MEOX2: variants seen among roughly 807,000 people sequenced by gnomAD.
MEOX2 encodes mesenchyme homeobox 2.
In MEOX2, 11 loss-of-function variants were observed where a neutral mutation model predicts 27.0. That is an observed-to-expected ratio of 0.41 (90% confidence interval 0.26 to 0.68). MEOX2 has a LOEUF of 0.68. Ranked by LOEUF, MEOX2 falls within the 30% of genes least tolerant of loss-of-function variation. The pLI, the probability that MEOX2 is intolerant of heterozygous loss-of-function variation, is 0.33. For synonymous variants in MEOX2, 189 were observed against 155.4 expected (o/e 1.22, Z -1.61); for missense variants, 436 against 385.4 (o/e 1.13, Z -1.10).
chr7:15,650,500 C>T (rs544033204), intron 1 of MEOX2, among the ~76,000 whole-genome samples: 96 of 152,110 alleles, frequency 6.3e-4, no homozygotes, highest in African/African-American at 1.9e-3. Flanking sequence ...ATGTTTCATA[C>T]GTGCAAATAA....
intron 1 of MEOX2, among the ~76,000 whole-genome samples, chr7:15,684,982 T>C (rs1782353849): frequency 6.6e-6 from 1 of 152,266 alleles, no homozygotes; most frequent in Non-Finnish European, 1.5e-5. Context: ...GTTCCCCTTT[T>C]GCATGGCTGC....
chr7:15,639,852 G>T (rs551817633), intron 1 of MEOX2, among the ~76,000 whole-genome samples: 5 of 152,066 alleles, frequency 3.3e-5, no homozygotes, highest in African/African-American at 1.2e-4. Flanking sequence ...AAACTGTTTT[G>T]GTTACTAAAG....
At position 15,686,503 on chromosome 7, in the gene MEOX2, A is replaced by C; in HGVS notation, c.-101T>G. On this transcript the variant is annotated 5_prime_UTR_variant, in exon 1 of 3. Coordinates refer to ENST00000262041, the MANE Select transcript of MEOX2 (RefSeq NM_005924.5). ...CTGGAAACCGTGTGATTTTTTTTTT[A>C]ACCTCCCAAAGCAATAGCGGTGCAC... 1 of 1,040,170 alleles carries C rather than the reference A, an allele frequency of 9.6e-7. No individual in the cohort carries two copies. Among genetic ancestry groups the C allele is most frequent in the Non-Finnish European group, 1.3e-6 (1 of 755,338 alleles). 64.4% of individuals were successfully genotyped at this position (1,040,170 alleles called of 1,614,324 possible). A position where few individuals can be genotyped will look rare whatever the true frequency, so the allele number is the denominator to read the frequency against.
intron 1 of MEOX2, among the ~76,000 whole-genome samples, chr7:15,632,374 G>T (rs191615731): frequency 6.6e-6 from 1 of 151,804 alleles, no homozygotes; most frequent in Non-Finnish European, 1.5e-5. Context: ...TAAATGATGA[G>T]ATTTTAATGT....
intron 1 of MEOX2, among the ~76,000 whole-genome samples, chr7:15,635,592 T>C (rs764175921): frequency 9.2e-5 from 14 of 151,998 alleles, no homozygotes; most frequent in Non-Finnish European, 1.9e-4. Flanking sequence ...CTAGCCGTTA[T>C]TAGGAGAGGA....
chr7:15,652,193 T>A (rs1202961053), intron 1 of MEOX2, among the ~76,000 whole-genome samples: 1 of 152,084 alleles, frequency 6.6e-6, no homozygotes, highest in Non-Finnish European at 1.5e-5. Context: ...TAACATGCTT[T>A]TACTGTTCAA....
At chr7:15,622,408 T>G (rs893425967) in intron 2 of MEOX2, among the ~76,000 whole-genome samples, 5 of 152,140 alleles carry the variant, frequency 3.3e-5, no homozygotes, top group Non-Finnish European at 7.4e-5. Flanking sequence ...GTCTTTGCAT[T>G]TGAATTTCAA....
At chr7:15,683,905 T>G (rs1275071771) in intron 1 of MEOX2, among the ~76,000 whole-genome samples, 1 of 152,216 alleles carries the variant, frequency 6.6e-6, no homozygotes, top group Non-Finnish European at 1.5e-5. Flanking sequence ...GTTTTTCCAG[T>G]ACCCTCATTA....
At chr7:15,644,290 G>A (rs752972666) in intron 1 of MEOX2, among the ~76,000 whole-genome samples, 14 of 152,112 alleles carry the variant, frequency 9.2e-5, no homozygotes, top group Non-Finnish European at 1.6e-4. Context: ...CCAATCCAAA[G>A]GTCTGTAGGG....
chr7:15,655,627 C>T (rs1433626116), intron 1 of MEOX2, among the ~76,000 whole-genome samples: 1 of 151,476 alleles, frequency 6.6e-6, no homozygotes, highest in Admixed American at 6.6e-5. Flanking sequence ...CCTTTTTGAC[C>T]CATAATATTT....
chr7:15,645,273 A>G (rs1367777429), intron 1 of MEOX2, among the ~76,000 whole-genome samples: 1 of 152,216 alleles, frequency 6.6e-6, no homozygotes, highest in Admixed American at 6.5e-5. Flanking sequence ...AAGGAAGGAA[A>G]TTGCTAGGAG....
At chr7:15,629,869 G>T (rs1781374554) in intron 1 of MEOX2, among the ~76,000 whole-genome samples, 1 of 151,976 alleles carries the variant, frequency 6.6e-6, no homozygotes. Flanking sequence ...AAAATGGATG[G>T]AAGATTTGCA....
At chr7:15,674,552 GA>G (rs1782160760) in intron 1 of MEOX2, among the ~76,000 whole-genome samples, 1 of 123,378 alleles carries the variant, frequency 8.1e-6, no homozygotes, top group Admixed American at 8.7e-5. Flanking sequence ...TTAGATAAAA[GA>G]TTCTGTGTGT....
At chr7:15,636,231 T>C (rs1781476923) in intron 1 of MEOX2, among the ~76,000 whole-genome samples, 1 of 152,044 alleles carries the variant, frequency 6.6e-6, no homozygotes, top group Non-Finnish European at 1.5e-5. Context: ...TTTCTCTAAT[T>C]ATGAGTTTCT....
At chr7:15,657,975 G>T (rs1021847796) in intron 1 of MEOX2, among the ~76,000 whole-genome samples, 6 of 152,192 alleles carry the variant, frequency 3.9e-5, no homozygotes, top group Non-Finnish European at 2.9e-5. Context: ...AGTGGAGAAG[G>T]TTCCTGATTA....
intron 1 of MEOX2, among the ~76,000 whole-genome samples, chr7:15,654,623 T>C (rs1781790685): frequency 2.0e-5 from 3 of 151,880 alleles, no homozygotes; most frequent in Non-Finnish European, 4.4e-5. Context: ...TCTTGAAATT[T>C]GTCAAATATT....
intron 2 of MEOX2, among the ~76,000 whole-genome samples, chr7:15,616,181 T>C (rs1183668911): frequency 6.6e-6 from 1 of 151,794 alleles, no homozygotes; most frequent in Non-Finnish European, 1.5e-5. Flanking sequence ...ATAACTCTAA[T>C]ACCTTATATA....
chr7:15,622,095 T>C (rs1781230962), intron 2 of MEOX2, among the ~76,000 whole-genome samples: 1 of 152,166 alleles, frequency 6.6e-6, no homozygotes, highest in Non-Finnish European at 1.5e-5. Flanking sequence ...CCAGCCTTGG[T>C]GACAGAGCGA....
chr7:15,636,401 A>C (rs745506142), intron 1 of MEOX2, among the ~76,000 whole-genome samples: 2 of 152,058 alleles, frequency 1.3e-5, no homozygotes, highest in Non-Finnish European at 2.9e-5. Context: ...AAGGTAATGA[A>C]ATAAAACTTA....
Sources: gnomAD v4.1 joint callset for allele counts (sites outside exome capture counted in the v4.1 genomes callset) on GRCh38, gnomAD v4.1.1 for gene constraint, MANE v1.5 for transcripts, NCBI Gene and HGNC (gene_info 2026-07-23, HGNC 2026-07-21) for gene names.